Variants in PLCB4 observed in about 807,000 individuals in gnomAD.
PLCB4 encodes the protein phospholipase C beta 4, also known as 1-phosphatidylinositol 4,5-bisphosphate phosphodiesterase beta-4.
A neutral mutation model predicts 178.8 loss-of-function variants in PLCB4; 77 were observed. The observed-to-expected ratio is 0.43, with a 90% CI of 0.36 to 0.52. The LOEUF (loss-of-function observed/expected upper bound fraction) is 0.52, where lower values mean the gene tolerates loss of function less well. Ranked by LOEUF, PLCB4 falls within the 20% of genes least tolerant of loss-of-function variation. The pLI is 0.00. For synonymous variants in PLCB4, 496 were observed against 490.8 expected (o/e 1.01, Z -0.14); for missense variants, 1,024 against 1,453.4 (o/e 0.70, Z 4.80).
chr20:9,311,788 G>C (rs1381786358), intron 4 of PLCB4, among the ~76,000 whole-genome samples: 1 of 152,024 alleles, frequency 6.6e-6, no homozygotes, highest in East Asian at 1.9e-4. Flanking sequence ...AATCTAAAAA[G>C]AGCTTTATTC....
At chr20:9,453,543 C>A in intron 33 of PLCB4, 81 bp downstream of exon 33, 3 of 733,118 alleles carry the variant, frequency 4.1e-6, no homozygotes, top group Admixed American at 2.7e-5. Flanking sequence ...CTGTTTAGGT[C>A]AAGGAAGAAC....
chr20:9,077,931 A>T (rs2089948120), intron 1 of PLCB4, among the ~76,000 whole-genome samples: 1 of 152,150 alleles, frequency 6.6e-6, no homozygotes, highest in African/African-American at 2.4e-5. Context: ...CTATTTAATG[A>T]GTTTTATTTA....
intron 1 of PLCB4, among the ~76,000 whole-genome samples, chr20:9,078,504 G>T (rs1374615477): frequency 6.6e-6 from 1 of 151,776 alleles, no homozygotes; most frequent in Non-Finnish European, 1.5e-5. Flanking sequence ...CTGGGTTACA[G>T]GTGTGTGCCA....
chr20:9,388,064 C>A (rs936597924), intron 15 of PLCB4, among the ~76,000 whole-genome samples: 7 of 152,088 alleles, frequency 4.6e-5, no homozygotes, highest in African/African-American at 1.4e-4. Flanking sequence ...CATGGGGAAA[C>A]CCTGTCTCTA....
chr20:9,073,083 C>T (rs553958875), intron 1 of PLCB4, among the ~76,000 whole-genome samples: 8 of 152,284 alleles, frequency 5.3e-5, no homozygotes, highest in East Asian at 1.9e-4. Flanking sequence ...CCTCTAGCTA[C>T]GGAAATACCC....
chr20:9,293,945 C>A (rs1260996321), intron 3 of PLCB4, among the ~76,000 whole-genome samples: 2 of 151,896 alleles, frequency 1.3e-5, no homozygotes, highest in African/African-American at 4.8e-5. Context: ...TACCGGGGGG[C>A]AAGGAATCAA....
At chr20:9,336,751 AAC>A (rs111420913) in intron 4 of PLCB4, among the ~76,000 whole-genome samples, 7 of 152,134 alleles carry the variant, frequency 4.6e-5, no homozygotes, top group African/African-American at 1.4e-4. Context: ...AAAGAAAAAA[AAC>A]ACAAAACAAA....
chr20:9,342,146 GACA>G (rs1305808856), intron 7 of PLCB4, among the ~76,000 whole-genome samples: 2 of 151,992 alleles, frequency 1.3e-5, no homozygotes, highest in African/African-American at 2.4e-5. Context: ...CTTCAGCATT[GACA>G]ACATTTTCTC....
At chr20:9,077,071 C>T (rs6039375) in intron 1 of PLCB4, among the ~76,000 whole-genome samples, 91,574 of 151,924 alleles carry the variant, frequency 0.6, 27,854 homozygotes, top group South Asian at 0.72. Flanking sequence ...ATATTGTATA[C>T]ATTTTTGTCT....
At position 9,403,780 on chromosome 20, in the gene PLCB4, A is replaced by C. The variant is rs982086166; in HGVS notation, c.1612-1533A>C. ...ACACCCATTCAGTCTACAGTTTACT[A>C]TGTGAAAGTTTATGAAAAAACCTTT... On this transcript the variant is annotated intron_variant, in intron 20 of 39. Transcript: ENST00000378473. 4.6e-5 allele frequency among the ~76,000 whole-genome samples: 7 copies of C among 152,364 alleles called. No homozygotes were observed. In the South Asian group the frequency reaches 8.3e-4, roughly 18 times the overall value.
chr20:9,282,163 A>G (rs2147700321), intron 3 of PLCB4, among the ~76,000 whole-genome samples: 1 of 152,116 alleles, frequency 6.6e-6, no homozygotes, highest in East Asian at 1.9e-4. Flanking sequence ...TTGTTATCAC[A>G]GGGCATGATG....
intron 30 of PLCB4, among the ~76,000 whole-genome samples, chr20:9,440,479 A>G (rs1458047789): frequency 1.3e-5 from 2 of 152,190 alleles, no homozygotes; most frequent in Non-Finnish European, 2.9e-5. Context: ...TCTCTACTGA[A>G]TGCATATCAC....
At chr20:9,251,942 C>T (rs116128457) in intron 3 of PLCB4, among the ~76,000 whole-genome samples, 3,349 of 152,054 alleles carry the variant, frequency 0.022, 137 homozygotes, top group African/African-American at 0.077. Context: ...AAATTGTCAG[C>T]GAGATATTTT....
At chr20:9,374,993 G>A (rs1256401585) in intron 12 of PLCB4, among the ~76,000 whole-genome samples, 3 of 151,630 alleles carry the variant, frequency 2.0e-5, no homozygotes, top group African/African-American at 7.3e-5. Context: ...TAAATTTTGG[G>A]GTGTGACTGA....
chr20:9,380,788 G>A (rs1033519753), intron 13 of PLCB4, among the ~76,000 whole-genome samples: 7 of 152,124 alleles, frequency 4.6e-5, no homozygotes, highest in Admixed American at 3.3e-4. Context: ...AAATGCCTGC[G>A]GAACATGGGA....
chr20:9,390,552 G>A lies in PLCB4; in HGVS notation c.1260G>A (p.Met420Ile), dbSNP rs758055596. The change falls in exon 17 of 40, where the codon ATG becomes ATA. Residue 420 changes from methionine to isoleucine, a missense_variant. By Grantham distance (10) the Met-to-Ile change is conservative. Transcript: ENST00000378473. ...CCAGCAAATATCAACAGTACAAGAT[G>A]TCCAAATATTGCGAAGATCTATTTG... Reference protein sequence around the residue: ...NHCSKYQQYKMSKYCEDLFGD... With the variant: ...NHCSKYQQYKISKYCEDLFGD... The A allele has an allele frequency of 6.3e-7, 1 of 1,581,384 alleles. No individual in the cohort carries two copies. Among genetic ancestry groups the A allele is most frequent in the Non-Finnish European group, 8.7e-7 (1 of 1,150,360 alleles).
chr20:9,072,924 A>G (rs2089643647), intron 1 of PLCB4, among the ~76,000 whole-genome samples: 2 of 152,190 alleles, frequency 1.3e-5, no homozygotes, highest in Admixed American at 1.3e-4. Flanking sequence ...TTTTTCTCTG[A>G]ACACCTCTCT....
At chr20:9,154,740 C>CTCCT (rs1239429675) in intron 2 of PLCB4, among the ~76,000 whole-genome samples, 2 of 151,392 alleles carry the variant, frequency 1.3e-5, no homozygotes, top group African/African-American at 4.9e-5. Flanking sequence ...CCCTCCCTCC[C>CTCCT]TCCTTTCCTT....
chr20:9,243,104 T>C (rs1040587123), intron 3 of PLCB4, among the ~76,000 whole-genome samples: 1 of 152,204 alleles, frequency 6.6e-6, no homozygotes, highest in African/African-American at 2.4e-5. Context: ...TTATTTGTTG[T>C]TGATCTGAGA....
Sources: allele counts gnomAD v4.1 joint callset (sites outside exome capture counted in the v4.1 genomes callset), GRCh38; gene constraint gnomAD v4.1.1; transcripts MANE v1.5; gene names NCBI Gene and HGNC (gene_info 2026-07-23, HGNC 2026-07-21).